Variants in ANXA5 observed in about 807,000 individuals in gnomAD.
The protein encoded by ANXA5 is CBP-I.
A neutral mutation model predicts 48.1 loss-of-function variants in ANXA5; 40 were observed. The ratio of observed to expected loss-of-function variants is 0.83; its 90% confidence interval spans 0.65 to 1.08. The LOEUF (loss-of-function observed/expected upper bound fraction) is 1.08, where lower values mean the gene tolerates loss of function less well. Ranked by LOEUF, ANXA5 falls within the 50% of genes least tolerant of loss-of-function variation. ANXA5 has a pLI of 0.00. For missense variants in ANXA5, 357 were observed against 376.8 expected, an observed-to-expected ratio of 0.95 and a Z score of 0.44; for synonymous variants, 113 against 129.1, an observed-to-expected ratio of 0.88 and a Z score of 0.85.
rs199976717 is a variant in ANXA5, at chr4:121,681,724, A to G, written c.341T>C (p.Ile114Thr). Residue 114 changes from isoleucine (I) to threonine (T), a missense_variant, in exon 6 of 13, where the codon ATT becomes ACT. By Grantham distance (89) the Ile-to-Thr change is moderately conservative (BLOSUM62 -1). Coordinates refer to ENST00000296511, the MANE Select transcript of ANXA5 (RefSeq NM_001154.4). ...GTNEKVLTEIIASRTPEELRA... is the reference protein window; with the variant it reads ...GTNEKVLTEITASRTPEELRA... ...CAGTTCTTCAGGTGTCCTTGAAGCAATAATTTCTGTCAGTACTTTTTCATT... is the reference window on the plus strand; with the variant it reads ...CAGTTCTTCAGGTGTCCTTGAAGCAGTAATTTCTGTCAGTACTTTTTCATT... 5.3e-5 allele frequency: 85 copies of G among 1,612,984 alleles called. No individual in the cohort carries two copies. Among genetic ancestry groups the G allele is most frequent in the Middle Eastern group, 1.7e-4 (1 of 6,056 alleles).
In ANXA5 at chr4:121,677,876, T is replaced by C. The variant is rs760748178; in HGVS notation, c.531+18A>G. On this transcript the variant is annotated intron_variant, in intron 8 of 12. Coordinates refer to ENST00000296511, the MANE Select transcript of ANXA5 (RefSeq NM_001154.4). The stretch of plus-strand genomic sequence containing the variant: ...TTTCTACAGCATAATAAAGTCATCA[T>C]ATCCTGGTGTCACTCACCTGAGCAT... 1.1e-5 allele frequency: 18 copies of C among 1,603,786 alleles called. 1 individual carries two copies. Among genetic ancestry groups the C allele is most frequent in the South Asian group, 8.8e-5 (8 of 90,718 alleles).
rs17384579 is a variant in ANXA5 at position 121,690,678 on chromosome 4, G to C, written c.10-4306C>G. Among the ~76,000 whole-genome samples the C allele has an allele frequency of 3.0e-3, 461 of 152,102 alleles. 3 individuals carry two copies. The highest frequency in any genetic ancestry group is 5.7e-3 in the Non-Finnish European group (385 of 67,978). ...AGGTTAGAAACAGAAGAGACATGAG[G>C]GATTTGCCTAAAGAAAAAAGATATC... On this transcript the variant is annotated intron_variant, in intron 2 of 12. Coordinates refer to ENST00000296511, the MANE Select transcript of ANXA5 (RefSeq NM_001154.4).
intron 3 of ANXA5, among the ~76,000 whole-genome samples, 184 bp downstream of exon 3, chr4:121,686,104 A>G (rs2110487824): frequency 6.7e-6 from 1 of 148,494 alleles, no homozygotes; most frequent in Admixed American, 6.8e-5. Context: ...TAATTCTTCC[A>G]ATGTGGCCCA....
intron 10 of ANXA5, among the ~76,000 whole-genome samples, chr4:121,670,942 C>T (rs1016204194): frequency 1.3e-5 from 2 of 152,048 alleles, no homozygotes; most frequent in Non-Finnish European, 2.9e-5. Flanking sequence ...ACTGCAGACC[C>T]ATATGAACAA....
At chr4:121,688,751 A>G (rs1425126271) in intron 2 of ANXA5, among the ~76,000 whole-genome samples, 2 of 152,154 alleles carry the variant, frequency 1.3e-5, no homozygotes, top group Non-Finnish European at 2.9e-5. Context: ...AATTCAAGAG[A>G]AAAAGAGGTG....
At chr4:121,680,840 A>G (rs930831301) in intron 6 of ANXA5, among the ~76,000 whole-genome samples, 3 of 152,250 alleles carry the variant, frequency 2.0e-5, no homozygotes, top group Admixed American at 2.0e-4. Flanking sequence ...AGAGAGATTC[A>G]GCCCTTTAGA....
intron 8 of ANXA5, among the ~76,000 whole-genome samples, chr4:121,672,966 A>C (rs899962195): frequency 6.6e-6 from 1 of 152,200 alleles, no homozygotes; most frequent in Non-Finnish European, 1.5e-5. Context: ...CTCACTGTTG[A>C]TACATCCATG....
intron 3 of ANXA5, among the ~76,000 whole-genome samples, chr4:121,685,677 A>G (rs938447405): frequency 6.6e-6 from 1 of 152,204 alleles, no homozygotes; most frequent in Non-Finnish European, 1.5e-5. Context: ...TGACACATGG[A>G]AATCCTTGAG....
intron 8 of ANXA5, among the ~76,000 whole-genome samples, chr4:121,677,090 T>C (rs1005692383): frequency 2.6e-5 from 4 of 152,186 alleles, no homozygotes; most frequent in Non-Finnish European, 4.4e-5. Flanking sequence ...GCTCTCCTCT[T>C]TCCTGTTAGC....
At chr4:121,693,695 T>G (rs938922465) in intron 2 of ANXA5, among the ~76,000 whole-genome samples, 3 of 152,202 alleles carry the variant, frequency 2.0e-5, no homozygotes, top group Admixed American at 2.0e-4. Context: ...TAGTTCTTTC[T>G]CAGCAGCCAA....
intron 5 of ANXA5, 107 bp from the exon 6 acceptor site, chr4:121,681,868 C>A: frequency 2.9e-6 from 2 of 693,386 alleles, no homozygotes; most frequent in Admixed American, 2.7e-5. Context: ...TAAATATTAT[C>A]CAGTATAACA....
At chr4:121,696,127 C>CTGGGGAACTTACAAG (rs1310092117) in intron 2 of ANXA5, among the ~76,000 whole-genome samples, 1 of 119,678 alleles carries the variant, frequency 8.4e-6, no homozygotes, top group Non-Finnish European at 1.6e-5. Context: ...TGCTCAATCA[C>CTGGGGAACTTACAAG]AGTATTAAAA....
At chr4:121,690,826 G>T (rs1232323940) in intron 2 of ANXA5, among the ~76,000 whole-genome samples, 1 of 152,216 alleles carries the variant, frequency 6.6e-6, no homozygotes, top group Non-Finnish European at 1.5e-5. Flanking sequence ...TCTAGAAATT[G>T]TGAAACACTT....
chr4:121,682,128 A>T (rs1724804123), intron 5 of ANXA5, among the ~76,000 whole-genome samples: 1 of 152,178 alleles, frequency 6.6e-6, no homozygotes, highest in Admixed American at 6.5e-5. Flanking sequence ...CCGAAAGAGT[A>T]AAAATGAAAA....
intron 3 of ANXA5, among the ~76,000 whole-genome samples, chr4:121,685,378 G>A (rs1724868041): frequency 6.6e-6 from 1 of 152,152 alleles, no homozygotes; most frequent in African/African-American, 2.4e-5. Context: ...AGGGAATCTT[G>A]GAGAATGATT....
intron 8 of ANXA5, among the ~76,000 whole-genome samples, chr4:121,677,284 T>A (rs1724714853): frequency 6.6e-6 from 1 of 152,178 alleles, no homozygotes; most frequent in African/African-American, 2.4e-5. Context: ...CAATTTCCAG[T>A]TTTCAGCTCT....
intron 3 of ANXA5, among the ~76,000 whole-genome samples, 169 bp from the exon 4 acceptor site, chr4:121,684,940 G>T (rs1396619409): frequency 6.6e-6 from 1 of 151,312 alleles, no homozygotes; most frequent in African/African-American, 2.4e-5. Flanking sequence ...AGCTCTTTGG[G>T]AGGCCAAGAT....
chr4:121,670,082 A>C (rs1469916723), intron 10 of ANXA5, 70 bp from the exon 11 acceptor site: 1 of 1,140,274 alleles, frequency 8.8e-7, no homozygotes, highest in African/African-American at 1.6e-5. Context: ...TTAAAAATCA[A>C]GTGCTGCTTC....
At position 121,668,417 on chromosome 4, in the gene ANXA5, A is replaced by C; in HGVS notation, c.*51T>G. 3.9e-6 allele frequency: 6 copies of C among 1,540,826 alleles called. No individual in the cohort carries two copies. Among genetic ancestry groups the C allele is most frequent in the Non-Finnish European group, 5.4e-6 (6 of 1,113,718 alleles). On this transcript the variant is annotated 3_prime_UTR_variant, in exon 13 of 13. Transcript: ENST00000296511. Reference sequence around the variant, plus strand: ...AAATGCAGCTAAAGGTGCTGAAGGAAGGCAGTGGGGTGGTGCAGGCACACA... The same window carrying C: ...AAATGCAGCTAAAGGTGCTGAAGGACGGCAGTGGGGTGGTGCAGGCACACA...
Sources: allele counts gnomAD v4.1 joint callset (sites outside exome capture counted in the v4.1 genomes callset), GRCh38; gene constraint gnomAD v4.1.1; transcripts MANE v1.5; gene names NCBI Gene and HGNC (gene_info 2026-07-23, HGNC 2026-07-21).